The following CDH13 variants were observed in gnomAD, a reference collection of about 807,000 sequenced individuals.
The protein encoded by CDH13 is cadherin 13, also known as cadherin-13.
In CDH13, 24 loss-of-function variants were observed where a neutral mutation model predicts 63.8. That is an observed-to-expected ratio of 0.38 (90% CI 0.27 to 0.53). CDH13 has a LOEUF of 0.53. Ranked by LOEUF, CDH13 falls within the 20% of genes least tolerant of loss-of-function variation. The pLI is 0.85. For missense variants in CDH13, 1,049 were observed against 903.1 expected (o/e 1.16, Z -2.07); for synonymous variants, 503 against 355.3 (o/e 1.42, Z -4.67).
chr16:83,590,366 C>G (rs188762060), intron 7 of CDH13, among the ~76,000 whole-genome samples: 3 of 152,228 alleles, frequency 2.0e-5, no homozygotes, highest in African/African-American at 4.8e-5. Context: ...AAATCAGGAG[C>G]ACTGGATGAG....
chr16:82,691,158 C>T lies in CDH13; in HGVS notation c.45+64021C>T, dbSNP rs1387870681. Among the ~76,000 whole-genome samples the T allele has an allele frequency of 3.3e-5, 5 of 152,186 alleles. No homozygotes were observed. The East Asian group carries it at 9.6e-4, about 29-fold the overall frequency. On this transcript the variant is annotated intron_variant, in intron 1 of 13. Coordinates refer to ENST00000567109, the MANE Select transcript of CDH13 (RefSeq NM_001257.5). The stretch of plus-strand genomic sequence containing the variant: ...ATCAGCCAAATGAACAAGTCTGGAC[C>T]TTCAGGGACCCTCGTGGAGGTGTTA...
Position 83,051,257 on chromosome 16 carries a change from A to G in CDH13, c.366+19039A>G, listed in dbSNP as rs190858513. Reference sequence around the variant, plus strand: ...TCCCTGTCATTCATGTGATTCTCCTACCAAAGTAAGCTGCTTATCTTCTAT... The same window carrying G: ...TCCCTGTCATTCATGTGATTCTCCTGCCAAAGTAAGCTGCTTATCTTCTAT... On this transcript the variant is annotated intron_variant, in intron 3 of 13. Transcript: ENST00000567109. Among the ~76,000 whole-genome samples, 298 of 152,190 alleles carry G rather than the reference A, an allele frequency of 2.0e-3. 2 individuals carry two copies. Among genetic ancestry groups the G allele is most frequent in the African/African-American group, 5.6e-3 (231 of 41,526 alleles).
At chr16:83,601,102 T>C (rs916975012) in intron 7 of CDH13, among the ~76,000 whole-genome samples, 15 of 152,152 alleles carry the variant, frequency 9.9e-5, no homozygotes, top group African/African-American at 3.4e-4. Context: ...GACTGACTTC[T>C]TCTAATTAGG....
chr16:83,400,105 C>T (rs780209963), intron 6 of CDH13, among the ~76,000 whole-genome samples: 1 of 151,258 alleles, frequency 6.6e-6, no homozygotes, highest in Non-Finnish European at 1.5e-5. Flanking sequence ...ATGCTGAGGC[C>T]TAGATAATTC....
chr16:83,129,142 A>C (rs999779866), intron 4 of CDH13, among the ~76,000 whole-genome samples: 1 of 152,170 alleles, frequency 6.6e-6, no homozygotes, highest in Non-Finnish European at 1.5e-5. Flanking sequence ...GTGGAAGAGG[A>C]CGTAGGTGTT....
intron 1 of CDH13, among the ~76,000 whole-genome samples, chr16:82,684,081 G>A (rs2150964902): frequency 6.6e-6 from 1 of 152,308 alleles, no homozygotes; most frequent in Admixed American, 6.5e-5. Context: ...AAGAATTCGT[G>A]AATAGCCATG....
At chr16:82,800,944 A>G (rs62036793) in intron 1 of CDH13, among the ~76,000 whole-genome samples, 46,014 of 151,962 alleles carry the variant, frequency 0.3, 7,353 homozygotes, top group East Asian at 0.4. Flanking sequence ...GGTACATTTC[A>G]TCTCACTAAA....
intron 2 of CDH13, chr16:82,990,010 C>G (rs545026904): frequency 2.6e-5 from 4 of 152,164 alleles, no homozygotes; most frequent in African/African-American, 9.6e-5. Flanking sequence ...AGCCCAGAGG[C>G]TTTTCTTGTC....
intron 3 of CDH13, among the ~76,000 whole-genome samples, chr16:83,101,086 G>A (rs1430928240): frequency 6.6e-6 from 1 of 151,950 alleles, no homozygotes; most frequent in Non-Finnish European, 1.5e-5. Flanking sequence ...CCAGACACTG[G>A]TCTAGGCACA....
chr16:82,870,600 A>G (rs1013671811), intron 2 of CDH13, among the ~76,000 whole-genome samples: 2 of 152,132 alleles, frequency 1.3e-5, no homozygotes, highest in African/African-American at 4.8e-5. Context: ...AAAAATTAAT[A>G]ATTTATTATA....
intron 1 of CDH13, among the ~76,000 whole-genome samples, chr16:82,808,077 G>A (rs1471570734): frequency 2.0e-5 from 3 of 152,098 alleles, no homozygotes; most frequent in African/African-American, 7.2e-5. Context: ...AAGTCCCAGG[G>A]TCTTACTTGG....
At chr16:82,846,085 C>T (rs1179695216) in intron 1 of CDH13, among the ~76,000 whole-genome samples, 1 of 152,170 alleles carries the variant, frequency 6.6e-6, no homozygotes, top group East Asian at 1.9e-4. Context: ...ATCTGGAAAA[C>T]AACCCAGAGT....
chr16:83,575,869 C>T (rs1484964070), intron 7 of CDH13, among the ~76,000 whole-genome samples: 1 of 152,220 alleles, frequency 6.6e-6, no homozygotes, highest in Non-Finnish European at 1.5e-5. Flanking sequence ...GACTATTTCA[C>T]TCACCTTTGT....
chr16:82,689,897 C>T (rs771960586), intron 1 of CDH13, among the ~76,000 whole-genome samples: 3 of 142,118 alleles, frequency 2.1e-5, no homozygotes, highest in Admixed American at 7.6e-5. Context: ...ATAATCCCAG[C>T]ACTTTTGGAG....
At position 82,892,006 on chromosome 16, in the gene CDH13, G is replaced by C. The variant is rs143576560; in HGVS notation, c.157+33533G>C. On this transcript the variant is annotated intron_variant, in intron 2 of 13. Transcript: ENST00000567109. ...ATCTTGCCCAGTTGGGGCTGCATGA[G>C]GTTGAAAGCTCAGACTGCTTCACTT... is the stretch of plus-strand genomic sequence containing the variant. 3.9e-3 allele frequency among the ~76,000 whole-genome samples: 597 copies of C among 152,258 alleles called. 3 individuals are homozygous for C. Among genetic ancestry groups the C allele is most frequent in the Admixed American group, 6.3e-3 (96 of 15,298 alleles).
chr16:83,596,088 C>G (rs578225910), intron 7 of CDH13, among the ~76,000 whole-genome samples: 1 of 152,284 alleles, frequency 6.6e-6, no homozygotes, highest in African/African-American at 2.4e-5. Flanking sequence ...CAAAGAAACA[C>G]AGAATCAGGT....
At chr16:83,057,747 A>T (rs537671242) in intron 3 of CDH13, among the ~76,000 whole-genome samples, 1 of 152,152 alleles carries the variant, frequency 6.6e-6, no homozygotes, top group Non-Finnish European at 1.5e-5. Flanking sequence ...CTAATTTTAA[A>T]CCGTCTAAGA....
At chr16:83,283,362 G>A (rs569755007) in intron 5 of CDH13, among the ~76,000 whole-genome samples, 1 of 152,176 alleles carries the variant, frequency 6.6e-6, no homozygotes, top group Non-Finnish European at 1.5e-5. Flanking sequence ...TGGCCGAGGA[G>A]GGTGGATTGC....
intron 3 of CDH13, among the ~76,000 whole-genome samples, chr16:83,097,805 G>A (rs753502853): frequency 1.3e-5 from 2 of 152,198 alleles, no homozygotes; most frequent in African/African-American, 2.4e-5. Context: ...AGTTTTCTCA[G>A]CTCCAATTTT....
Sources: gnomAD v4.1 joint callset for allele counts (sites outside exome capture counted in the v4.1 genomes callset) on GRCh38, gnomAD v4.1.1 for gene constraint, MANE v1.5 for transcripts, NCBI Gene and HGNC (gene_info 2026-07-23, HGNC 2026-07-21) for gene names.